TBL1XR1: variants seen among roughly 807,000 people sequenced by gnomAD.
TBL1XR1 encodes the protein F-box-like/WD repeat-containing protein TBL1XR1.
In TBL1XR1, 5 loss-of-function variants were observed where a neutral mutation model predicts 66.9. That is an observed-to-expected ratio of 0.07 (90% CI 0.04 to 0.16). The LOEUF is 0.16. Ranked by LOEUF, TBL1XR1 falls within the 10% of genes least tolerant of loss-of-function variation. The probability of loss-of-function intolerance (pLI) is 1.00; values close to 1 mark genes in which losing one functional copy is unlikely to be tolerated. For missense variants in TBL1XR1, 238 were observed against 623.2 expected (o/e 0.38, Z 6.58); for synonymous variants, 210 against 206.0 (o/e 1.02, Z -0.17).
At chr3:177,107,903 T>A (rs1725079615) in intron 1 of TBL1XR1, among the ~76,000 whole-genome samples, 1 of 152,174 alleles carries the variant, frequency 6.6e-6, no homozygotes. Flanking sequence ...GATATTTTTT[T>A]ATTTTGCAGG....
chr3:177,105,787 T>C (rs1281943670), intron 1 of TBL1XR1, among the ~76,000 whole-genome samples: 1 of 151,722 alleles, frequency 6.6e-6, no homozygotes, highest in Non-Finnish European at 1.5e-5. Flanking sequence ...CGTGTCAGTG[T>C]GTGGGTGTGT....
At chr3:177,081,832 T>C (rs1021310295) in intron 2 of TBL1XR1, among the ~76,000 whole-genome samples, 2 of 152,012 alleles carry the variant, frequency 1.3e-5, no homozygotes, top group African/African-American at 4.8e-5. Flanking sequence ...GTCAGTATAA[T>C]TACAGTATTG....
intron 10 of TBL1XR1, among the ~76,000 whole-genome samples, chr3:177,042,259 G>C (rs914077161): frequency 2.6e-5 from 4 of 152,046 alleles, no homozygotes; most frequent in Admixed American, 1.3e-4. Context: ...AGGGAGGCCT[G>C]AAAAATCCAA....
At chr3:177,201,340 G>T (rs980657341), upstream of TBL1XR1, among the ~76,000 whole-genome samples, 1 of 151,032 alleles carries the variant, frequency 6.6e-6, no homozygotes, top group Non-Finnish European at 1.5e-5. Context: ...GAAACCGAGA[G>T]GGGGAGGTTG....
At position 177,069,026 on chromosome 3, in the gene TBL1XR1, G is replaced by C. The variant is rs571423610; in HGVS notation, c.-45-4004C>G. On this transcript the variant is annotated intron_variant, in intron 2 of 15. Transcript: ENST00000457928. ...TCTCTTTCATTGGAATCCAGAGCTC[G>C]GATGTAAATTAAAAATAACATCTTG... 1.2e-4 allele frequency among the ~76,000 whole-genome samples: 18 copies of C among 152,178 alleles called. No homozygotes were observed. The East Asian group carries it at 3.5e-3, about 29-fold the overall frequency.
At chr3:177,079,414 C>T (rs1721120803) in intron 2 of TBL1XR1, 1 of 141,226 alleles carries the variant, frequency 7.1e-6, no homozygotes, top group Non-Finnish European at 1.5e-5. Flanking sequence ...GCCTGGGCGA[C>T]AGAGCAAGAC....
intron 15 of TBL1XR1, 66 bp downstream of exon 15, chr3:177,026,307 C>A (rs1713115601): frequency 3.2e-6 from 4 of 1,262,150 alleles, no homozygotes; most frequent in South Asian, 2.7e-5. Context: ...GTATCACTAA[C>A]AATAAGCTGC....
chr3:177,050,626 C>CAAGT lies in TBL1XR1; in HGVS notation c.428-20_428-17dup, dbSNP rs778692990. 6.2e-7 allele frequency: 1 copy of CAAGT among 1,613,220 alleles called. No homozygotes were observed. Among genetic ancestry groups the CAAGT allele is most frequent in the Non-Finnish European group, 8.5e-7 (1 of 1,179,450 alleles). Reference sequence around the variant, plus strand: ...GTATGATTATCTGCATCGTGAAACACAAGTAAGCATTTCCAGTTAGGCAGT... The same window carrying CAAGT: ...GTATGATTATCTGCATCGTGAAACACAAGTAAGTAAGCATTTCCAGTTAGGCAGT... On this transcript the variant is annotated splice_polypyrimidine_tract_variant and intron_variant, in intron 5 of 15. Coordinates refer to ENST00000457928, the MANE Select transcript of TBL1XR1 (RefSeq NM_024665.7).
rs759331999 is a variant in TBL1XR1 at position 177,192,398 on chromosome 3, C to CAAAAAAAA, written c.-122+4715_-122+4722dup. Among the ~76,000 whole-genome samples the CAAAAAAAA allele has an allele frequency of 4.8e-5, 4 of 83,470 alleles. No individual in the cohort carries two copies. In the East Asian group the frequency reaches 8.0e-4, roughly 17 times the overall value. 54.8% of individuals were successfully genotyped at this position (83,470 alleles called of 152,430 possible). A position where few individuals can be genotyped will look rare whatever the true frequency, so the allele number is the denominator to read the frequency against. On this transcript the variant is annotated intron_variant, in intron 1 of 15. Coordinates refer to ENST00000457928, the MANE Select transcript of TBL1XR1 (RefSeq NM_024665.7). Reference sequence around the variant, plus strand: ...CAACAAACAAAGTGAGACTTTATCTCAAAAAAAAAAAAAAAAGAAAGAAAG... The same window carrying CAAAAAAAA: ...CAACAAACAAAGTGAGACTTTATCTCAAAAAAAAAAAAAAAAAAAAAAAAGAAAGAAAG...
intron 1 of TBL1XR1, among the ~76,000 whole-genome samples, chr3:177,178,694 CG>C (rs1480916670): frequency 6.6e-6 from 1 of 151,736 alleles, no homozygotes; most frequent in Admixed American, 6.6e-5. Context: ...AGGAATCCAG[CG>C]ATCTATTGGA....
At chr3:177,100,295 G>A (rs999732595) in intron 1 of TBL1XR1, among the ~76,000 whole-genome samples, 1 of 152,164 alleles carries the variant, frequency 6.6e-6, no homozygotes, top group Non-Finnish European at 1.5e-5. Flanking sequence ...TTTATTTACA[G>A]TGCTATAATA....
At chr3:177,119,457 AT>A (rs1726719833) in intron 1 of TBL1XR1, among the ~76,000 whole-genome samples, 1 of 152,124 alleles carries the variant, frequency 6.6e-6, no homozygotes, top group South Asian at 2.1e-4. Flanking sequence ...TTTTGTTTAG[AT>A]AAGTAAATAG....
upstream of TBL1XR1, among the ~76,000 whole-genome samples, chr3:177,197,614 T>A (rs1577470780): frequency 1.0e-5 from 1 of 98,908 alleles, no homozygotes; most frequent in South Asian, 3.2e-4. Context: ...CCGAGCGGCC[T>A]GCGCCGGGCG....
At position 177,075,629 on chromosome 3, in the gene TBL1XR1, A is replaced by G. The variant is rs1417191140; in HGVS notation, c.-45-10607T>C. ...GATTTGAAGGTATGTTTCCCAATCT[A>G]AATAGACAGACCCCTCTCCTCCTGC... On this transcript the variant is annotated intron_variant, in intron 2 of 15. Coordinates refer to ENST00000457928, the MANE Select transcript of TBL1XR1 (RefSeq NM_024665.7). 3.3e-5 allele frequency among the ~76,000 whole-genome samples: 5 copies of G among 152,162 alleles called. No individual in the cohort carries two copies. In the East Asian group the frequency reaches 9.6e-4, roughly 29 times the overall value.
chr3:177,069,850 A>AAGGAAGGAAGGG, intron 2 of TBL1XR1, among the ~76,000 whole-genome samples: 1 of 150,680 alleles, frequency 6.6e-6, no homozygotes, highest in Non-Finnish European at 1.5e-5. Flanking sequence ...GGAAGGAAGG[A>AAGGAAGGAAGGG]AGGAAAAACA....
At chr3:177,114,171 A>G (rs79117098) in intron 1 of TBL1XR1, among the ~76,000 whole-genome samples, 1,909 of 151,736 alleles carry the variant, frequency 0.013, 42 homozygotes, top group African/African-American at 0.044. Context: ...GCATTTATTA[A>G]TTCACTAGAT....
intron 1 of TBL1XR1, among the ~76,000 whole-genome samples, chr3:177,137,493 AAAAT>A (rs1404491243): frequency 6.6e-6 from 1 of 152,250 alleles, no homozygotes; most frequent in Admixed American, 6.5e-5. Context: ...ACTCTGTCTC[AAAAT>A]AAATACATGA....
intron 10 of TBL1XR1, among the ~76,000 whole-genome samples, chr3:177,040,864 G>C (rs1257411830): frequency 6.6e-6 from 1 of 152,088 alleles, no homozygotes; most frequent in African/African-American, 2.4e-5. Context: ...GCTCATAAAG[G>C]AAACAGACTG....
chr3:177,194,556 T>G (rs754109791), intron 1 of TBL1XR1, among the ~76,000 whole-genome samples: 9 of 152,224 alleles, frequency 5.9e-5, no homozygotes, highest in Admixed American at 3.9e-4. Context: ...TGCTACAAGT[T>G]GTACTAGGGA....
Sources: allele counts gnomAD v4.1 joint callset (sites outside exome capture counted in the v4.1 genomes callset), GRCh38; gene constraint gnomAD v4.1.1; transcripts MANE v1.5; gene names NCBI Gene and HGNC (gene_info 2026-07-23, HGNC 2026-07-21).